The following STON2 variants were observed in gnomAD, a reference collection of about 807,000 sequenced individuals.
STON2 encodes stonin-2.
Under a neutral mutation model 65.7 loss-of-function variants are expected in STON2, and 29 were observed. The ratio of observed to expected loss-of-function variants is 0.44; its 90% confidence interval spans 0.33 to 0.60. STON2 has a LOEUF of 0.60. STON2 is among the 20% of genes least tolerant of loss of function. The probability of loss-of-function intolerance (pLI) is 0.03; values close to 1 mark genes in which losing one functional copy is unlikely to be tolerated. For missense variants in STON2, 1,054 were observed against 1,118.1 expected, an observed-to-expected ratio of 0.94 and a Z score of 0.82; for synonymous variants, 404 against 414.2, an observed-to-expected ratio of 0.98 and a Z score of 0.30.
intron 4 of STON2, among the ~76,000 whole-genome samples, chr14:81,368,379 G>A (rs1898833221): frequency 6.6e-6 from 1 of 152,190 alleles, no homozygotes; most frequent in Non-Finnish European, 1.5e-5. Flanking sequence ...CTGGCACACA[G>A]CAGACACTCA....
chr14:81,395,838 C>A (rs1440146033), intron 3 of STON2, 56 bp downstream of exon 3: 1 of 1,584,272 alleles, frequency 6.3e-7, no homozygotes, highest in Non-Finnish European at 8.6e-7. Flanking sequence ...AGACCTCTCA[C>A]TGAAAAGCAT....
chr14:81,307,394 G>T (rs1190828957), intron 5 of STON2, among the ~76,000 whole-genome samples: 3 of 152,162 alleles, frequency 2.0e-5, no homozygotes, highest in Non-Finnish European at 2.9e-5. Flanking sequence ...TGGACTCAAA[G>T]CTAGTGAGTA....
chr14:81,397,005 C>T (rs776997171), intron 2 of STON2, among the ~76,000 whole-genome samples: 1 of 152,150 alleles, frequency 6.6e-6, no homozygotes, highest in Non-Finnish European at 1.5e-5. Flanking sequence ...TTGCAGTGAG[C>T]TGAGACTGCA....
At chr14:81,288,884 G>A (rs1046861564) in intron 5 of STON2, among the ~76,000 whole-genome samples, 2 of 151,882 alleles carry the variant, frequency 1.3e-5, no homozygotes, top group Admixed American at 6.6e-5. Flanking sequence ...CAGGGCTGGG[G>A]AGCCAGAAAA....
intron 1 of STON2, among the ~76,000 whole-genome samples, chr14:81,430,857 G>A (rs543742624): frequency 6.6e-6 from 1 of 152,162 alleles, no homozygotes. Flanking sequence ...CAGTGGGGAT[G>A]GCAGCACCTT....
chr14:81,346,431 T>A, intron 4 of STON2, among the ~76,000 whole-genome samples: 1 of 152,244 alleles, frequency 6.6e-6, no homozygotes, highest in East Asian at 1.9e-4. Context: ...AAAGGATGTA[T>A]GATCTAAAAC....
intron 5 of STON2, among the ~76,000 whole-genome samples, chr14:81,308,773 G>T (rs1896280909): frequency 4.5e-5 from 5 of 110,914 alleles, no homozygotes; most frequent in Admixed American, 9.6e-5. Flanking sequence ...AGAGGACATG[G>T]TTTTACCCAT....
intron 7 of STON2, chr14:81,268,799 A>T (rs1489059460): frequency 4.5e-6 from 1 of 223,802 alleles, no homozygotes. Flanking sequence ...TATTAAGTAG[A>T]CTTAGGTACT....
upstream of STON2, among the ~76,000 whole-genome samples, chr14:81,400,478 CAAAAAAAAA>C (rs5810028): frequency 1.3e-4 from 13 of 96,708 alleles, no homozygotes; most frequent in African/African-American, 5.4e-4. Context: ...CAGCACCCGT[CAAAAAAAAA>C]AAAAAAAAAA....
At chr14:81,302,003 C>T (rs1263495169) in intron 5 of STON2, among the ~76,000 whole-genome samples, 1 of 152,130 alleles carries the variant, frequency 6.6e-6, no homozygotes, top group African/African-American at 2.4e-5. Context: ...GACTCAAGCC[C>T]CAATGCATAA....
At chr14:81,288,549 A>G (rs1241397597) in intron 5 of STON2, among the ~76,000 whole-genome samples, 1 of 152,204 alleles carries the variant, frequency 6.6e-6, no homozygotes, top group Admixed American at 6.5e-5. Context: ...GTAGAGTCAT[A>G]CAGGACCACT....
intron 2 of STON2, 104 bp from the exon 3 acceptor site, chr14:81,396,282 C>T (rs191588745): frequency 4.6e-6 from 5 of 1,081,318 alleles, no homozygotes; most frequent in Middle Eastern, 3.1e-4. Context: ...CCGCATGACT[C>T]GCCACTGCAG....
Position 81,264,695 on chromosome 14 carries a change from T to A in STON2, c.*3719A>T. ...AATCAAACAATGTTCTCAAGGATTA[T>A]GAACCCTGCCAATAATGCAGGAAGG... On this transcript the variant is annotated 3_prime_UTR_variant, in exon 8 of 8. Transcript: ENST00000614646. The A allele has an allele frequency of 1.0e-6, 1 of 985,398 alleles. No individual in the cohort carries two copies. The highest frequency in any genetic ancestry group is 1.2e-6 in the Non-Finnish European group (1 of 829,896). 61.0% of individuals were successfully genotyped at this position (985,398 alleles called of 1,614,324 possible).
At chr14:81,296,263 A>C (rs530238748) in intron 5 of STON2, among the ~76,000 whole-genome samples, 36 of 152,338 alleles carry the variant, frequency 2.4e-4, no homozygotes, top group African/African-American at 8.7e-4. Context: ...ATATGTGAAA[A>C]GTAATGAGAA....
intron 2 of STON2, among the ~76,000 whole-genome samples, chr14:81,408,653 CT>C: frequency 6.6e-6 from 1 of 152,310 alleles, no homozygotes; most frequent in East Asian, 1.9e-4. Context: ...AAATACTCTA[CT>C]GTGTGATTTT....
chr14:81,286,495 G>A (rs1895339173), intron 5 of STON2, among the ~76,000 whole-genome samples: 1 of 152,166 alleles, frequency 6.6e-6, no homozygotes, highest in Non-Finnish European at 1.5e-5. Context: ...GTAATAAAGT[G>A]GTTTTAATTA....
rs774640763 is a variant in STON2 at position 81,270,784 on chromosome 14, G to A, written c.2670C>T (p.Val890=). The change falls in exon 7 of 8, where the codon GTC becomes GTT. Residue 890 remains valine (V), a synonymous_variant. Coordinates refer to ENST00000614646, the MANE Select transcript of STON2 (RefSeq NM_001394390.1). ...CAGAAGTTGTGGGCATGCTGAACTC[G>A]ACATTCACGTGATTGGCAAATCTGG... is the stretch of plus-strand genomic sequence containing the variant. The part of the protein sequence containing the change: ...VPSRFANHVN[V]EFSMPTTSAS... The A allele has an allele frequency of 1.7e-5, 27 of 1,613,962 alleles. No individual in the cohort carries two copies. The African/African-American group carries it at 1.7e-4, about 10-fold the overall frequency.
intron 5 of STON2, among the ~76,000 whole-genome samples, chr14:81,279,890 C>T (rs1481575161): frequency 6.6e-6 from 1 of 151,962 alleles, no homozygotes; most frequent in African/African-American, 2.4e-5. Flanking sequence ...GTAATTCTAC[C>T]CTAAGAAAAT....
chr14:81,405,305 T>C (rs1164722453), upstream of STON2, among the ~76,000 whole-genome samples: 1 of 152,126 alleles, frequency 6.6e-6, no homozygotes, highest in Non-Finnish European at 1.5e-5. Context: ...TTTATAATGT[T>C]ATTTTACAGT....
Sources: gnomAD v4.1 joint callset for allele counts (sites outside exome capture counted in the v4.1 genomes callset) on GRCh38, gnomAD v4.1.1 for gene constraint, MANE v1.5 for transcripts, NCBI Gene and HGNC (gene_info 2026-07-23, HGNC 2026-07-21) for gene names.